The following PTPRD variants were observed in gnomAD, a reference collection of about 807,000 sequenced individuals.
PTPRD encodes the protein protein tyrosine phosphatase receptor type D.
PTPRD carries 34 observed loss-of-function variants against 214.5 expected under a neutral mutation model. The ratio of observed to expected loss-of-function variants is 0.16; its 90% CI spans 0.12 to 0.21. The LOEUF (loss-of-function observed/expected upper bound fraction) is 0.21. Ranked by LOEUF, PTPRD falls within the 10% of genes least tolerant of loss-of-function variation. PTPRD has a pLI of 1.00. For missense variants in PTPRD, 2,545 were observed against 2,398.7 expected (o/e 1.06, Z -1.27); for synonymous variants, 1,128 against 845.7 (o/e 1.33, Z -5.79).
intron 4 of PTPRD, among the ~76,000 whole-genome samples, chr9:9,984,890 C>A (rs903124522): frequency 6.6e-6 from 1 of 152,146 alleles, no homozygotes; most frequent in African/African-American, 2.4e-5. Flanking sequence ...CCTGACCAAC[C>A]ATGCACACCC....
chr9:9,823,955 T>C (rs2051739532), intron 5 of PTPRD, among the ~76,000 whole-genome samples: 1 of 152,060 alleles, frequency 6.6e-6, no homozygotes, highest in African/African-American at 2.4e-5. Context: ...CATTTTATGT[T>C]TGTATCAAAA....
intron 11 of PTPRD, among the ~76,000 whole-genome samples, chr9:8,987,980 T>C (rs1281250689): frequency 6.6e-6 from 1 of 151,186 alleles, no homozygotes; most frequent in Admixed American, 6.6e-5. Flanking sequence ...GCAATAATGG[T>C]AGAAATATGA....
intron 4 of PTPRD, among the ~76,000 whole-genome samples, chr9:9,997,488 C>T (rs1334905881): frequency 6.6e-6 from 1 of 152,074 alleles, no homozygotes; most frequent in African/African-American, 2.4e-5. Context: ...GGGGTTTTTC[C>T]AAGTTGGTCA....
At chr9:10,292,990 A>T (rs1391889514) in intron 3 of PTPRD, among the ~76,000 whole-genome samples, 1 of 151,974 alleles carries the variant, frequency 6.6e-6, no homozygotes, top group East Asian at 1.9e-4. Context: ...TAAAATGTTC[A>T]TTCAATATTT....
At chr9:9,330,617 C>T (rs1192566909) in intron 9 of PTPRD, among the ~76,000 whole-genome samples, 1 of 151,878 alleles carries the variant, frequency 6.6e-6, no homozygotes, top group African/African-American at 2.4e-5. Context: ...TATGATGATG[C>T]TATTAATAAC....
At chr9:10,397,942 G>T (rs2098202191) in intron 2 of PTPRD, among the ~76,000 whole-genome samples, 1 of 151,886 alleles carries the variant, frequency 6.6e-6, no homozygotes, top group Admixed American at 6.6e-5. Context: ...GTCATTAAGT[G>T]ACACATGACT....
chr9:9,338,746 G>A (rs1260442464), intron 9 of PTPRD, among the ~76,000 whole-genome samples: 2 of 152,000 alleles, frequency 1.3e-5, no homozygotes, highest in Non-Finnish European at 2.9e-5. Context: ...AGAACGTGCA[G>A]GTTTGTTACA....
intron 2 of PTPRD, among the ~76,000 whole-genome samples, chr9:10,523,622 T>TAGAGAGAGAGAGAG (rs1555471552): frequency 7.6e-6 from 1 of 131,384 alleles, no homozygotes; most frequent in South Asian, 2.4e-4. Flanking sequence ...TATATATATA[T>TAGAGAGAGAGAGAG]AGACAGAAAG....
At chr9:9,515,553 T>A (rs2154249631) in intron 8 of PTPRD, among the ~76,000 whole-genome samples, 1 of 152,184 alleles carries the variant, frequency 6.6e-6, no homozygotes, top group Middle Eastern at 3.4e-3. Context: ...ATGGAAAAAT[T>A]GTTCTTTTCT....
chr9:10,064,651 T>C (rs2097844183), intron 3 of PTPRD, among the ~76,000 whole-genome samples: 1 of 151,866 alleles, frequency 6.6e-6, no homozygotes. Context: ...GGGAGATGTA[T>C]TTGAGAGACA....
intron 10 of PTPRD, among the ~76,000 whole-genome samples, chr9:9,030,390 G>A (rs1452210980): frequency 1.5e-5 from 2 of 137,286 alleles, no homozygotes; most frequent in Non-Finnish European, 3.1e-5. Context: ...CAGACTTATT[G>A]TTTACTGTAG....
chr9:10,404,326 T>C (rs978003629), intron 2 of PTPRD, among the ~76,000 whole-genome samples: 1 of 151,826 alleles, frequency 6.6e-6, no homozygotes, highest in Admixed American at 6.6e-5. Context: ...AATATACACA[T>C]AGGTGATTTT....
intron 5 of PTPRD, among the ~76,000 whole-genome samples, chr9:9,867,722 T>A (rs974445137): frequency 6.6e-6 from 1 of 152,142 alleles, no homozygotes; most frequent in African/African-American, 2.4e-5. Context: ...AACCTATTGT[T>A]TTCTCTTAGG....
intron 14 of PTPRD, among the ~76,000 whole-genome samples, chr9:8,571,055 C>A (rs958041023): frequency 2.6e-5 from 4 of 151,962 alleles, no homozygotes; most frequent in African/African-American, 9.7e-5. Context: ...TGAGTGCCCA[C>A]AGGTATGGGC....
chr9:9,405,718 G>T (rs574936551), intron 8 of PTPRD, among the ~76,000 whole-genome samples: 38 of 152,060 alleles, frequency 2.5e-4, no homozygotes, highest in Non-Finnish European at 4.9e-4. Context: ...GTGCAAAATC[G>T]AATTTTTATC....
chr9:9,975,636 C>T (rs954504528), intron 4 of PTPRD, among the ~76,000 whole-genome samples: 6 of 152,120 alleles, frequency 3.9e-5, no homozygotes, highest in African/African-American at 1.2e-4. Flanking sequence ...TGATGCAATG[C>T]TCTACATTAT....
At chr9:9,637,046 C>G (rs1276758198) in intron 7 of PTPRD, among the ~76,000 whole-genome samples, 2 of 152,098 alleles carry the variant, frequency 1.3e-5, no homozygotes, top group African/African-American at 4.8e-5. Flanking sequence ...TTCATTCATT[C>G]ACAAAGATAA....
intron 2 of PTPRD, among the ~76,000 whole-genome samples, chr9:10,408,970 T>A (rs1040222986): frequency 1.3e-5 from 2 of 151,740 alleles, no homozygotes; most frequent in South Asian, 2.1e-4. Context: ...TGAATATTAA[T>A]ATGAAACTAA....
intron 14 of PTPRD, among the ~76,000 whole-genome samples, chr9:8,537,929 T>C (rs16928116): frequency 0.028 from 4,198 of 152,144 alleles, 174 homozygotes; most frequent in African/African-American, 0.095. Context: ...CATACTGTTA[T>C]TAGTGCTCGG....
Sources: allele counts gnomAD v4.1 joint callset (sites outside exome capture counted in the v4.1 genomes callset), GRCh38; gene constraint gnomAD v4.1.1; transcripts MANE v1.5; gene names NCBI Gene and HGNC (gene_info 2026-07-23, HGNC 2026-07-21).